VAMP5: variants seen among roughly 807,000 people sequenced by gnomAD.
The protein encoded by VAMP5 is vesicle associated membrane protein 5.
In VAMP5, 10 loss-of-function variants were observed where a neutral mutation model predicts 8.1. The observed-to-expected ratio is 1.23, with a 90% CI of 0.76 to 2.09. The LOEUF (loss-of-function observed/expected upper bound fraction) is 2.09. Ranked by LOEUF, VAMP5 falls within the 30% of genes most tolerant of loss-of-function variation. VAMP5 has a pLI of 0.00. For missense variants in VAMP5, 135 were observed against 152.5 expected (o/e 0.89, Z 0.60); for synonymous variants, 62 against 60.6 (o/e 1.02, Z -0.11).
chr2:85,591,885 G>A, intron 2 of VAMP5, 23 bp downstream of exon 2: 1 of 1,613,866 alleles, frequency 6.2e-7, no homozygotes, highest in South Asian at 1.1e-5. Flanking sequence ...GGGGAGCATG[G>A]AGGGGAGGGG....
At chr2:85,592,256 CCTGT>C (rs1344075072) in intron 2 of VAMP5, among the ~76,000 whole-genome samples, 5 of 152,290 alleles carry the variant, frequency 3.3e-5, no homozygotes, top group East Asian at 1.9e-4. Context: ...CACCACCATG[CCTGT>C]CTAATTTTTG....
intron 1 of VAMP5, among the ~76,000 whole-genome samples, chr2:85,586,640 T>A (rs557260770): frequency 6.6e-6 from 1 of 152,186 alleles, no homozygotes; most frequent in African/African-American, 2.4e-5. Flanking sequence ...AATGGGTTGT[T>A]GGGTGAGGAT....
chr2:85,591,874 G>T lies in VAMP5; in HGVS notation c.141+12G>T, dbSNP rs1198472184. The T allele has an allele frequency of 6.2e-7, 1 of 1,613,938 alleles. No individual in the cohort carries two copies. The highest frequency in any genetic ancestry group is 8.5e-7 in the Non-Finnish European group (1 of 1,179,970). On this transcript the variant is annotated intron_variant, in intron 2 of 2. Coordinates refer to ENST00000306384, the MANE Select transcript of VAMP5 (RefSeq NM_006634.3). ...AACTCCTGGATATGGTGTGAGGCCT[G>T]GGGGAGCATGGAGGGGAGGGGAGAG...
intron 2 of VAMP5, among the ~76,000 whole-genome samples, chr2:85,592,531 G>A (rs1378959033): frequency 1.3e-5 from 2 of 151,940 alleles, no homozygotes; most frequent in Admixed American, 6.6e-5. Flanking sequence ...GGCCGGGCGC[G>A]GTGTCTCACG....
chr2:85,584,466 G>C lies in VAMP5; in HGVS notation c.-25G>C, dbSNP rs1291982985. 1 of 1,244,258 alleles carries C rather than the reference G, an allele frequency of 8.0e-7. No individual in the cohort carries two copies. The highest frequency in any genetic ancestry group is 1.0e-6 in the Non-Finnish European group (1 of 995,122). 77.1% of individuals were successfully genotyped at this position (1,244,258 alleles called of 1,614,324 possible). On this transcript the variant is annotated 5_prime_UTR_variant, in exon 1 of 3. Transcript: ENST00000306384. ...CTCCGCAGGCAGAGAAGCCGGGAGC[G>C]GGCGAGGCGGCGGCGGCAGCAGCGA...
intron 1 of VAMP5, among the ~76,000 whole-genome samples, chr2:85,586,732 T>C (rs1313308741): frequency 4.6e-5 from 7 of 152,036 alleles, no homozygotes; most frequent in African/African-American, 1.4e-4. Flanking sequence ...GCTGTTATTC[T>C]TGCTCAAGAT....
At chr2:85,586,580 AAAAC>A (rs77504879) in intron 1 of VAMP5, among the ~76,000 whole-genome samples, 1,586 of 151,656 alleles carry the variant, frequency 0.01, 30 homozygotes, top group African/African-American at 0.034. Context: ...TCTCAGAACA[AAAAC>A]AAACAAACAA....
intron 1 of VAMP5, among the ~76,000 whole-genome samples, chr2:85,585,144 A>T (rs1419589352): frequency 6.6e-6 from 1 of 152,230 alleles, no homozygotes; most frequent in South Asian, 2.1e-4. Context: ...TGAAAGTTCC[A>T]CTGAAGTTAT....
intron 1 of VAMP5, among the ~76,000 whole-genome samples, chr2:85,585,427 C>T (rs1410583630): frequency 1.3e-5 from 2 of 152,192 alleles, no homozygotes; most frequent in Admixed American, 1.3e-4. Context: ...GGGTCAATGC[C>T]TGGATGGCCT....
intron 1 of VAMP5, among the ~76,000 whole-genome samples, chr2:85,588,317 G>A (rs1351897315): frequency 6.6e-6 from 1 of 152,130 alleles, no homozygotes; most frequent in Non-Finnish European, 1.5e-5. Flanking sequence ...AACCTGAGAG[G>A]TTTGAGTGTC....
chr2:85,584,906 TA>T (rs1011918245), intron 1 of VAMP5, among the ~76,000 whole-genome samples: 2 of 152,072 alleles, frequency 1.3e-5, no homozygotes, highest in Non-Finnish European at 2.9e-5. Context: ...CTTGCGAGGT[TA>T]AAGGAGCCAC....
In VAMP5 at chr2:85,590,638, C is replaced by T. The variant is rs1045413620; in HGVS notation, c.4-1087C>T. 5.3e-5 allele frequency among the ~76,000 whole-genome samples: 8 copies of T among 152,130 alleles called. 1 individual carries two copies. The highest frequency in any genetic ancestry group is 3.9e-4 in the Admixed American group (6 of 15,262). The stretch of plus-strand genomic sequence containing the variant: ...AATGTCTGTTGTAGACAATGGGTGA[C>T]GTGGGCTGGCAGGAAAAGAAGCTTG... On this transcript the variant is annotated intron_variant, in intron 1 of 2. Transcript: ENST00000306384.
chr2:85,584,697 C>T (rs1359581615), intron 1 of VAMP5, among the ~76,000 whole-genome samples: 1 of 152,250 alleles, frequency 6.6e-6, no homozygotes, highest in Non-Finnish European at 1.5e-5. Context: ...GCGTGAGCCC[C>T]GTCCTGGCTG....
At position 85,584,481 on chromosome 2, in the gene VAMP5, G is replaced by T; in HGVS notation, c.-10G>T. ...AGCCGGGAGCGGGCGAGGCGGCGGC[G>T]GCAGCAGCGATGGTGAGGGCCCAGG... On this transcript the variant is annotated 5_prime_UTR_variant, in exon 1 of 3. Transcript: ENST00000306384. The T allele has an allele frequency of 8.0e-7, 1 of 1,243,214 alleles. No individual in the cohort carries two copies. The highest frequency in any genetic ancestry group is 1.0e-6 in the Non-Finnish European group (1 of 994,934). The allele number at this position is 1,243,214 out of a possible 1,614,324, so 77.0% of individuals were successfully genotyped here. A position where few individuals can be genotyped will look rare whatever the true frequency, so the allele number is the denominator to read the frequency against.
chr2:85,593,268 GC>G lies in VAMP5; in HGVS notation c.*115del. The G allele has an allele frequency of 8.7e-7, 1 of 1,144,948 alleles. No homozygotes were observed. Among genetic ancestry groups the G allele is most frequent in the Non-Finnish European group, 1.3e-6 (1 of 792,910 alleles). The allele number at this position is 1,144,948 out of a possible 1,614,324, so 70.9% of individuals were successfully genotyped here. Reference sequence around the variant, plus strand: ...CCACCCCAGTGAGTGCCAAAGGGCAGCCCCAACATGTGCACCCCTGCATTTC... The same window carrying G: ...CCACCCCAGTGAGTGCCAAAGGGCAGCCCAACATGTGCACCCCTGCATTTC... On this transcript the variant is annotated 3_prime_UTR_variant, in exon 3 of 3. Coordinates refer to ENST00000306384, the MANE Select transcript of VAMP5 (RefSeq NM_006634.3).
chr2:85,587,394 C>G (rs952448718), intron 1 of VAMP5, among the ~76,000 whole-genome samples: 1 of 151,694 alleles, frequency 6.6e-6, no homozygotes, highest in Non-Finnish European at 1.5e-5. Flanking sequence ...GCTGGGATTA[C>G]AGGTGCCCGC....
intron 1 of VAMP5, among the ~76,000 whole-genome samples, chr2:85,588,597 A>G (rs1363179325): frequency 6.6e-6 from 1 of 151,920 alleles, no homozygotes; most frequent in African/African-American, 2.4e-5. Context: ...CCTCTCTGCC[A>G]TTTTCTTACT....
In VAMP5 at chr2:85,593,082, T is replaced by C. The variant is rs1358409628; in HGVS notation, c.276T>C (p.Phe92=). The change falls in exon 3 of 3, where the codon TTT becomes TTC. Residue 92 remains phenylalanine, a synonymous_variant. Transcript: ENST00000306384. ...LIILIVLLVV[F]LPQSSDSSSA... is the part of the protein sequence containing the mutation. ...TCCTGATTGTGCTGCTGGTCGTCTTTCTCCCTCAGAGCAGTGACAGCAGTA... is the reference window on the plus strand; with the variant it reads ...TCCTGATTGTGCTGCTGGTCGTCTTCCTCCCTCAGAGCAGTGACAGCAGTA... The C allele has an allele frequency of 6.2e-7, 1 of 1,614,160 alleles. No homozygotes were observed. Among genetic ancestry groups the C allele is most frequent in the African/African-American group, 1.3e-5 (1 of 75,028 alleles).
intron 1 of VAMP5, among the ~76,000 whole-genome samples, chr2:85,589,812 C>T (rs1178873519): frequency 2.0e-5 from 3 of 152,074 alleles, no homozygotes; most frequent in Non-Finnish European, 4.4e-5. Context: ...CATGCACCAC[C>T]ATGCCTGGCT....
Sources: gnomAD v4.1 joint callset for allele counts (sites outside exome capture counted in the v4.1 genomes callset) on GRCh38, gnomAD v4.1.1 for gene constraint, MANE v1.5 for transcripts, NCBI Gene and HGNC (gene_info 2026-07-23, HGNC 2026-07-21) for gene names.